Variants in BAIAP2L1 observed in about 807,000 individuals in gnomAD.
BAIAP2L1 encodes BAR/IMD domain containing adaptor protein 2 like 1, also known as BAR/IMD domain-containing adapter protein 2-like 1.
BAIAP2L1 carries 35 observed loss-of-function variants against 66.3 expected under a neutral mutation model. The observed-to-expected ratio is 0.53, with a 90% CI of 0.40 to 0.70. BAIAP2L1 has a LOEUF of 0.70. Among genes scored for constraint, BAIAP2L1 ranks in the 30% least tolerant of loss-of-function variants. The pLI is 0.00. For missense variants in BAIAP2L1, 622 were observed against 656.9 expected (o/e 0.95, Z 0.58); for synonymous variants, 269 against 248.7 (o/e 1.08, Z -0.77).
intron 11 of BAIAP2L1, among the ~76,000 whole-genome samples, chr7:98,305,449 T>C (rs113194022): frequency 6.6e-6 from 1 of 152,150 alleles, no homozygotes; most frequent in Non-Finnish European, 1.5e-5. Flanking sequence ...CATCAGACCC[T>C]GGGGAATGCA....
At chr7:98,338,877 C>T (rs190015436) in intron 3 of BAIAP2L1, among the ~76,000 whole-genome samples, 33 of 152,010 alleles carry the variant, frequency 2.2e-4, no homozygotes, top group African/African-American at 6.5e-4. Context: ...AGTGTGAGAC[C>T]AGCCTGACCA....
At chr7:98,296,126 G>A (rs1212886512) in intron 12 of BAIAP2L1, among the ~76,000 whole-genome samples, 1 of 152,160 alleles carries the variant, frequency 6.6e-6, no homozygotes, top group African/African-American at 2.4e-5. Flanking sequence ...AGCACTGAGC[G>A]ACTGTCCCTA....
intron 3 of BAIAP2L1, among the ~76,000 whole-genome samples, chr7:98,349,748 G>A (rs1208157326): frequency 4.0e-5 from 6 of 151,416 alleles, no homozygotes; most frequent in South Asian, 4.2e-4. Context: ...GGTGGCTCAC[G>A]CCTGTAATCC....
intron 1 of BAIAP2L1, among the ~76,000 whole-genome samples, chr7:98,368,474 C>A (rs1170777505): frequency 6.6e-6 from 1 of 151,780 alleles, no homozygotes; most frequent in Non-Finnish European, 1.5e-5. Flanking sequence ...GGGTGGATCA[C>A]AAGGTCAGAA....
intron 3 of BAIAP2L1, among the ~76,000 whole-genome samples, chr7:98,353,781 G>A (rs895088091): frequency 1.4e-4 from 21 of 148,784 alleles, no homozygotes; most frequent in Non-Finnish European, 2.2e-4. Flanking sequence ...CCAACATGGC[G>A]AAACCCCGTC....
intron 7 of BAIAP2L1, 122 bp from the exon 8 acceptor site, chr7:98,312,386 T>C: frequency 9.2e-7 from 1 of 1,081,274 alleles, no homozygotes; most frequent in South Asian, 1.6e-5. Context: ...GTGGGGGCCC[T>C]GGGTTAAACT....
intron 13 of BAIAP2L1, 109 bp downstream of exon 13, chr7:98,293,965 G>C: frequency 7.8e-7 from 1 of 1,281,516 alleles, no homozygotes. Context: ...ACAGGCCGAG[G>C]CCTTTCTCAG....
chr7:98,317,388 G>A lies in BAIAP2L1; in HGVS notation c.349-32C>T, dbSNP rs1801107486. 8 of 1,609,530 alleles carry A rather than the reference G, an allele frequency of 5.0e-6. No individual in the cohort carries two copies. The South Asian group carries it at 7.7e-5, about 15-fold the overall frequency. Reference sequence around the variant, plus strand: ...GTTAAATGGCTGTGCTTATTTTACTGTGGCACCACACGAATTGTCACACAG... The same window carrying A: ...GTTAAATGGCTGTGCTTATTTTACTATGGCACCACACGAATTGTCACACAG... On this transcript the variant is annotated intron_variant, in intron 5 of 13. Transcript: ENST00000005260.
chr7:98,323,739 C>T (rs1801309230), intron 3 of BAIAP2L1, among the ~76,000 whole-genome samples: 1 of 152,220 alleles, frequency 6.6e-6, no homozygotes, highest in African/African-American at 2.4e-5. Context: ...CTTGTTATTC[C>T]TGTCCCTCAC....
At chr7:98,390,486 T>C (rs1803010018) in intron 1 of BAIAP2L1, among the ~76,000 whole-genome samples, 1 of 151,692 alleles carries the variant, frequency 6.6e-6, no homozygotes, top group Non-Finnish European at 1.5e-5. Flanking sequence ...CCCAGCACTT[T>C]GGGAGGCCGA....
intron 3 of BAIAP2L1, among the ~76,000 whole-genome samples, chr7:98,327,342 C>T (rs1307592547): frequency 1.4e-5 from 2 of 148,102 alleles, no homozygotes; most frequent in Non-Finnish European, 3.0e-5. Context: ...GCCTAGGCAA[C>T]AGAGCAAGAC....
intron 1 of BAIAP2L1, among the ~76,000 whole-genome samples, chr7:98,387,403 C>T (rs1433981659): frequency 6.6e-6 from 1 of 152,178 alleles, no homozygotes; most frequent in African/African-American, 2.4e-5. Context: ...CCGTACCTAA[C>T]AGGTGCTCAC....
chr7:98,373,338 C>T (rs371800236), intron 1 of BAIAP2L1, among the ~76,000 whole-genome samples: 2 of 152,158 alleles, frequency 1.3e-5, no homozygotes, highest in African/African-American at 4.8e-5. Context: ...AATATATAAA[C>T]CCACAAAAAT....
intron 1 of BAIAP2L1, among the ~76,000 whole-genome samples, chr7:98,376,452 A>C (rs1802632062): frequency 6.6e-6 from 1 of 152,056 alleles, no homozygotes; most frequent in Non-Finnish European, 1.5e-5. Flanking sequence ...TCGAGGTCAC[A>C]GCGAGCCACG....
At chr7:98,344,260 T>A (rs982817360) in intron 3 of BAIAP2L1, among the ~76,000 whole-genome samples, 2 of 152,200 alleles carry the variant, frequency 1.3e-5, no homozygotes, top group African/African-American at 4.8e-5. Flanking sequence ...TTAAGGTACA[T>A]CTGGTAAAGG....
intron 3 of BAIAP2L1, 123 bp downstream of exon 3, chr7:98,354,919 A>C (rs1209078829): frequency 1.4e-6 from 1 of 735,484 alleles, no homozygotes; most frequent in Non-Finnish European, 2.4e-6. Flanking sequence ...ACCGCGGTGA[A>C]GTAGAACCAC....
At chr7:98,365,199 A>G (rs1802367439) in intron 1 of BAIAP2L1, among the ~76,000 whole-genome samples, 1 of 151,710 alleles carries the variant, frequency 6.6e-6, no homozygotes, top group Non-Finnish European at 1.5e-5. Flanking sequence ...TTTACCGGAC[A>G]CTCAGTGGGA....
chr7:98,372,029 C>T (rs12704987), intron 1 of BAIAP2L1, among the ~76,000 whole-genome samples: 18,296 of 151,954 alleles, frequency 0.12, 1,384 homozygotes, highest in South Asian at 0.23. Flanking sequence ...CTCCTGATCT[C>T]GTGATCCACC....
In BAIAP2L1 at chr7:98,342,982, C is replaced by T. The variant is rs538714894; in HGVS notation, c.214+12060G>A. Among the ~76,000 whole-genome samples, 47 of 151,888 alleles carry T rather than the reference C, an allele frequency of 3.1e-4. No homozygotes were observed. The South Asian group carries it at 9.2e-3, about 30-fold the overall frequency. ...GGTAATGAAGGATTAACCTTTATCA[C>T]GTGTGATAAAGGATTTAACTTTATC... On this transcript the variant is annotated intron_variant, in intron 3 of 13. Transcript: ENST00000005260.
Sources: gnomAD v4.1 joint callset for allele counts (sites outside exome capture counted in the v4.1 genomes callset) on GRCh38, gnomAD v4.1.1 for gene constraint, MANE v1.5 for transcripts, NCBI Gene and HGNC (gene_info 2026-07-23, HGNC 2026-07-21) for gene names.